JMY: variants seen among roughly 807,000 people sequenced by gnomAD.
The protein encoded by JMY is junction mediating and regulatory protein, p53 cofactor, also known as junction-mediating and -regulatory protein.
JMY carries 46 observed loss-of-function variants against 103.3 expected under a neutral mutation model. The observed-to-expected ratio is 0.45, with a 90% confidence interval of 0.35 to 0.57. The LOEUF is 0.57. JMY is among the 20% of genes least tolerant of loss of function. JMY has a pLI of 0.00. For missense variants in JMY, 1,238 were observed against 1,255.2 expected, an observed-to-expected ratio of 0.99 and a Z score of 0.21; for synonymous variants, 526 against 489.3, an observed-to-expected ratio of 1.07 and a Z score of -0.99.
At chr5:79,248,619 A>G (rs1744980070) in intron 1 of JMY, among the ~76,000 whole-genome samples, 1 of 151,952 alleles carries the variant, frequency 6.6e-6, no homozygotes, top group African/African-American at 2.4e-5. Context: ...CCTTCTTATA[A>G]TTATAGTAAA....
chr5:79,279,227 G>A (rs144548298), intron 2 of JMY, among the ~76,000 whole-genome samples: 11 of 152,166 alleles, frequency 7.2e-5, no homozygotes, highest in East Asian at 3.9e-4. Flanking sequence ...CCAGCTACTC[G>A]AAGGGCTGAG....
At chr5:79,275,966 G>A (rs1424115321) in intron 1 of JMY, among the ~76,000 whole-genome samples, 3 of 152,168 alleles carry the variant, frequency 2.0e-5, no homozygotes, top group Non-Finnish European at 4.4e-5. Context: ...AAATAAGTGG[G>A]GAGAAAGATA....
intron 7 of JMY, among the ~76,000 whole-genome samples, chr5:79,306,787 G>T (rs1436829075): frequency 6.6e-6 from 1 of 152,020 alleles, no homozygotes; most frequent in Non-Finnish European, 1.5e-5. Context: ...AAAATCTGTT[G>T]CTTATGTTAG....
At chr5:79,307,343 G>C (rs1746914447) in intron 7 of JMY, among the ~76,000 whole-genome samples, 1 of 152,198 alleles carries the variant, frequency 6.6e-6, no homozygotes, top group Non-Finnish European at 1.5e-5. Flanking sequence ...CATAGTGGCT[G>C]TTCCATTTTG....
chr5:79,244,254 G>GC (rs1286138036), intron 1 of JMY, among the ~76,000 whole-genome samples: 1 of 152,074 alleles, frequency 6.6e-6, no homozygotes, highest in African/African-American at 2.4e-5. Context: ...ACCTGCTTCG[G>GC]CCTCCCACAG....
In JMY at chr5:79,306,699, A is replaced by T. The variant is rs151264759; in HGVS notation, c.1968+238A>T. Among the ~76,000 whole-genome samples the T allele has an allele frequency of 5.2e-4, 79 of 152,238 alleles. No homozygotes were observed. In the East Asian group the frequency reaches 0.014, roughly 26 times the overall value. On this transcript the variant is annotated intron_variant, in intron 7 of 10. Transcript: ENST00000396137. ...TCCTATACTCCTGTCCCCACACTTG[A>T]TAGCCTTTCCACTGTCAACATCCCC...
chr5:79,289,525 T>C (rs1339307067), intron 2 of JMY, among the ~76,000 whole-genome samples: 1 of 152,246 alleles, frequency 6.6e-6, no homozygotes. Flanking sequence ...AACATACTTA[T>C]GTAGTGTTTT....
intron 1 of JMY, among the ~76,000 whole-genome samples, chr5:79,252,090 A>T (rs1396544775): frequency 1.3e-5 from 2 of 152,008 alleles, no homozygotes; most frequent in African/African-American, 4.8e-5. Context: ...CTTCTTTTTG[A>T]TATAGGCACT....
At chr5:79,256,893 C>T (rs1490339294) in intron 1 of JMY, among the ~76,000 whole-genome samples, 1 of 151,538 alleles carries the variant, frequency 6.6e-6, no homozygotes, top group Non-Finnish European at 1.5e-5. Flanking sequence ...AGTAACTAGC[C>T]GATATTACAG....
Position 79,316,228 on chromosome 5 carries a change from C to T in JMY, c.2888C>T (p.Ala963Val), listed in dbSNP as rs1747213902. Residue 963 changes from alanine (A) to valine (V), a missense_variant, in exon 10 of 11, where the codon GCT (alanine) becomes GTT (valine). Coordinates refer to ENST00000396137, the MANE Select transcript of JMY (RefSeq NM_152405.5). ...CCTCTAACACGGAGCATCCATGAAG[C>T]TCTTAGAAGAATTAAAGAAGCATCC... ...TDPLTRSIHE[A>V]LRRIKEASPE... 2 of 1,613,924 alleles carry T rather than the reference C, an allele frequency of 1.2e-6. No homozygotes were observed. Among genetic ancestry groups the T allele is most frequent in the Admixed American group, 1.7e-5 (1 of 59,984 alleles).
intron 1 of JMY, among the ~76,000 whole-genome samples, chr5:79,256,702 CCTT>C (rs943430055): frequency 2.0e-5 from 3 of 152,026 alleles, no homozygotes; most frequent in Admixed American, 6.6e-5. Context: ...CTGCACCTGT[CCTT>C]CTTTCTTTCT....
Position 79,262,290 on chromosome 5 carries a change from G to A in JMY, c.1033-15620G>A, listed in dbSNP as rs1737537312. Among the ~76,000 whole-genome samples, 3 of 152,130 alleles carry A rather than the reference G, an allele frequency of 2.0e-5. No individual in the cohort carries two copies. The South Asian group carries it at 6.2e-4, about 31-fold the overall frequency. ...AAATATCCTTAATCCTAAATAATTC[G>A]ACTTTCTTTATAATTCCTTTTAGTC... On this transcript the variant is annotated intron_variant, in intron 1 of 10. Transcript: ENST00000396137.
chr5:79,241,402 G>A (rs989216038), intron 1 of JMY, among the ~76,000 whole-genome samples: 9 of 152,214 alleles, frequency 5.9e-5, no homozygotes, highest in Admixed American at 2.6e-4. Context: ...TTAATGTGAA[G>A]TTGTAAGTAA....
At chr5:79,305,501 C>G (rs1261618546) in intron 6 of JMY, among the ~76,000 whole-genome samples, 1 of 151,780 alleles carries the variant, frequency 6.6e-6, no homozygotes, top group Admixed American at 6.6e-5. Context: ...TGGAGACTAA[C>G]CCTTTTATCT....
Position 79,252,870 on chromosome 5 carries a change from C to T in JMY, c.1032+15188C>T, listed in dbSNP as rs1344647441. ...AGATCATTGGGTCTTGTTTTTTAAT[C>T]CATTCAGTCCATCTGTGTCTAACAA... On this transcript the variant is annotated intron_variant, in intron 1 of 10. Coordinates refer to ENST00000396137, the MANE Select transcript of JMY (RefSeq NM_152405.5). Among the ~76,000 whole-genome samples, 4 of 152,062 alleles carry T rather than the reference C, an allele frequency of 2.6e-5. No individual in the cohort carries two copies. In the East Asian group the frequency reaches 7.7e-4, roughly 29 times the overall value.
chr5:79,270,135 A>G (rs1387082617), intron 1 of JMY, among the ~76,000 whole-genome samples: 1 of 151,972 alleles, frequency 6.6e-6, no homozygotes, highest in African/African-American at 2.4e-5. Flanking sequence ...TACACATTTT[A>G]AATTTCCTTT....
At chr5:79,286,130 A>C (rs1746260948) in intron 2 of JMY, among the ~76,000 whole-genome samples, 1 of 152,176 alleles carries the variant, frequency 6.6e-6, no homozygotes, top group Admixed American at 6.5e-5. Flanking sequence ...AGGTACAATA[A>C]ACTATTAAAC....
rs1391758362 is a variant in JMY, at chr5:79,300,769, G to C, written c.1787G>C (p.Arg596Thr). The change falls in exon 6 of 11, where the codon AGA becomes ACA. Residue 596 changes from arginine to threonine, a missense_variant. Physicochemically the swap from Arg to Thr is moderately conservative, Grantham distance 71. Coordinates refer to ENST00000396137, the MANE Select transcript of JMY (RefSeq NM_152405.5). ...EEMAASAYLQ[R>T]EELQKLQQKA... is the part of the protein sequence containing the mutation. The stretch of plus-strand genomic sequence containing the variant: ...ATGGCAGCATCTGCGTACTTACAGA[G>C]AGAAGAGCTGCAGAAACTTCAGCAG... 1.2e-6 allele frequency: 2 copies of C among 1,612,806 alleles called. No individual in the cohort carries two copies. Among genetic ancestry groups the C allele is most frequent in the South Asian group, 2.2e-5 (2 of 90,736 alleles).
At chr5:79,317,343 T>C (rs1039539125) in intron 10 of JMY, among the ~76,000 whole-genome samples, 1 of 152,160 alleles carries the variant, frequency 6.6e-6, no homozygotes, top group African/African-American at 2.4e-5. Context: ...AGATTCTCTT[T>C]GGTTACACAT....
Sources: allele counts gnomAD v4.1 joint callset (sites outside exome capture counted in the v4.1 genomes callset), GRCh38; gene constraint gnomAD v4.1.1; transcripts MANE v1.5; gene names NCBI Gene and HGNC (gene_info 2026-07-23, HGNC 2026-07-21).